G6PD: variants seen among roughly 807,000 people sequenced by gnomAD.
G6PD encodes the protein glucose-6-phosphate dehydrogenase.
Under a neutral mutation model 38.2 loss-of-function variants are expected in G6PD, and 2 were observed. The observed-to-expected ratio is 0.05, with a 90% CI of 0.02 to 0.16. The LOEUF (loss-of-function observed/expected upper bound fraction) is 0.16. Ranked by LOEUF, G6PD falls within the 10% of genes least tolerant of loss-of-function variation. The probability of loss-of-function intolerance (pLI) is 1.00; values close to 1 mark genes in which losing one functional copy is unlikely to be tolerated. For missense variants in G6PD, 310 were observed against 471.6 expected, an observed-to-expected ratio of 0.66 and a Z score of 3.17; for synonymous variants, 188 against 196.0, an observed-to-expected ratio of 0.96 and a Z score of 0.34.
chrX:154,542,783 G>T (rs1452051020), intron 2 of G6PD, among the ~76,000 whole-genome samples: 2 of 111,879 alleles, frequency 1.8e-5, no homozygotes, highest in African/African-American at 6.5e-5. Flanking sequence ...CTCTTTGTGG[G>T]ATCTATGCGC....
At chrX:154,545,814 G>A (rs900274293) in intron 2 of G6PD, 6 of 375,355 alleles carry the variant, frequency 1.6e-5, no homozygotes, top group Non-Finnish European at 2.7e-5. Context: ...CATCCTGGGC[G>A]ACCAGAGCAA....
chrX:154,542,102 G>A (rs2070525278), intron 2 of G6PD: 1 of 413,919 alleles, frequency 2.4e-6, no homozygotes, highest in Admixed American at 5.2e-5. Flanking sequence ...AGTCACCGGG[G>A]CTTTGGGGGA....
intron 5 of G6PD, 167 bp downstream of exon 5, chrX:154,535,001 A>G: frequency 1.9e-6 from 1 of 526,776 alleles, no homozygotes; most frequent in Non-Finnish European, 3.2e-6. Flanking sequence ...CAGAGCGGAA[A>G]GGCGGTGTTT....
At chrX:154,546,862 C>T (rs782609860), upstream of G6PD, 1 of 1,112,181 alleles carries the variant, frequency 9.0e-7, no homozygotes, top group African/African-American at 1.9e-5. Context: ...CTGAGCCCCG[C>T]CGGCCCATTT....
intron 2 of G6PD, among the ~76,000 whole-genome samples, chrX:154,540,907 G>T (rs2070488037): frequency 9.0e-6 from 1 of 111,096 alleles, no homozygotes; most frequent in African/African-American, 3.3e-5. Flanking sequence ...CAGCGACACG[G>T]ACCTCTCACT....
At chrX:154,542,234 T>C (rs782206404) in intron 2 of G6PD, 7 of 981,891 alleles carry the variant, frequency 7.1e-6, no homozygotes, top group Non-Finnish European at 9.8e-6. Flanking sequence ...GGCCCATCAT[T>C]GGGATGCGTC....
intron 2 of G6PD, among the ~76,000 whole-genome samples, chrX:154,541,868 A>G (rs968594583): frequency 1.8e-5 from 2 of 112,061 alleles, no homozygotes; most frequent in South Asian, 3.7e-4. Context: ...TGAGGGTTTC[A>G]TGGTAGAGCA....
chrX:154,538,138 T>C (rs1209984435), intron 2 of G6PD, among the ~76,000 whole-genome samples: 1 of 110,283 alleles, frequency 9.1e-6, no homozygotes, highest in African/African-American at 3.3e-5. Flanking sequence ...GGACTACAGG[T>C]ACATGCCAAC....
intron 2 of G6PD, 180 bp downstream of exon 2, chrX:154,545,856 A>AAT: frequency 2.2e-6 from 1 of 460,822 alleles, no homozygotes; most frequent in East Asian, 3.9e-5. Flanking sequence ...AAAAAAAAAA[A>AAT]GTCTTGCAAG....
chrX:154,546,847 G>T (rs782539588), upstream of G6PD: 2 of 1,134,129 alleles, frequency 1.8e-6, no homozygotes, highest in Non-Finnish European at 2.3e-6. Flanking sequence ...GACCGTTTCC[G>T]GGGGCTGAGC....
chrX:154,547,179 C>A, upstream of G6PD: 1 of 253,033 alleles, frequency 4.0e-6, no homozygotes, highest in Non-Finnish European at 5.6e-6. Context: ...TCCCCGCCTG[C>A]CCCGGCGGCC....
chrX:154,542,552 G>A, intron 2 of G6PD: 10 of 1,025,487 alleles, frequency 9.8e-6, no homozygotes, highest in Non-Finnish European at 1.3e-5. Flanking sequence ...CCCCCAGGAA[G>A]GAAGCTGGGT....
intron 2 of G6PD, among the ~76,000 whole-genome samples, chrX:154,536,675 C>T (rs2070411844): frequency 9.0e-6 from 1 of 110,731 alleles, no homozygotes; most frequent in Non-Finnish European, 1.9e-5. Flanking sequence ...ATTAAAAATA[C>T]AAAAATTAGC....
rs2070594968 is a variant in G6PD, at chrX:154,543,710, G to C, written c.120+2326C>G. 5.5e-5 allele frequency among the ~76,000 whole-genome samples: 6 copies of C among 109,631 alleles called. 1 individual carries two copies. The Admixed American group carries it at 5.9e-4, about 11-fold the overall frequency. ...GCTCTTTTTATTTTTATTTTTTTGA[G>C]ATGGAGTCTCACTCACTCCGTCACC... On this transcript the variant is annotated intron_variant, in intron 2 of 12. Coordinates refer to ENST00000393562, the MANE Select transcript of G6PD (RefSeq NM_001360016.2).
At position 154,534,180 on chromosome X, in the gene G6PD, G is replaced by A. The variant is rs1258906438; in HGVS notation, c.645-20C>T. The A allele has an allele frequency of 7.4e-6, 9 of 1,210,147 alleles. No homozygotes were observed. Among genetic ancestry groups the A allele is most frequent in the Non-Finnish European group, 1.0e-5 (9 of 895,069 alleles). ...GCAAATCTGCAGGGAGGGGCAAGGT[G>A]GAGGAACTGACCTTGGGCCTCTGTG... On this transcript the variant is annotated intron_variant, in intron 6 of 12. Coordinates refer to ENST00000393562, the MANE Select transcript of G6PD (RefSeq NM_001360016.2).
chrX:154,538,852 G>C (rs2070440983), intron 2 of G6PD, among the ~76,000 whole-genome samples: 1 of 105,727 alleles, frequency 9.5e-6, no homozygotes, highest in Admixed American at 1.0e-4. Context: ...GCTTGAACCA[G>C]GAGGGAGAGA....
At chrX:154,547,512 T>C, upstream of G6PD, 1 of 754,550 alleles carries the variant, frequency 1.3e-6, no homozygotes, top group South Asian at 6.7e-5. Flanking sequence ...CAGACTTCTC[T>C]CCGGAGCGGG....
At chrX:154,547,385 C>A (rs1281436654), upstream of G6PD, 3 of 755,039 alleles carry the variant, frequency 4.0e-6, no homozygotes, top group Non-Finnish European at 4.7e-6. Flanking sequence ...CCGAGCGCCC[C>A]GAGGCTAGAC....
chrX:154,535,466 T>G, intron 4 of G6PD, 81 bp from the exon 5 acceptor site: 3 of 918,718 alleles, frequency 3.3e-6, no homozygotes, highest in Non-Finnish European at 4.6e-6. Context: ...CCCAGGGGAG[T>G]GGAGGGTCTT....
Sources: gnomAD v4.1 joint callset for allele counts (sites outside exome capture counted in the v4.1 genomes callset) on GRCh38, gnomAD v4.1.1 for gene constraint, MANE v1.5 for transcripts, NCBI Gene and HGNC (gene_info 2026-07-23, HGNC 2026-07-21) for gene names.